The following PIGL variants were observed in gnomAD, a reference collection of about 807,000 sequenced individuals.
The protein encoded by PIGL is phosphatidylinositol glycan anchor biosynthesis class L.
PIGL carries 22 observed loss-of-function variants against 31.1 expected under a neutral mutation model. The observed-to-expected ratio is 0.71, with a 90% CI of 0.51 to 1.01. PIGL has a LOEUF of 1.01. Among genes scored for constraint, PIGL ranks in the 50% least tolerant of loss-of-function variants. PIGL has a pLI of 0.00. For synonymous variants in PIGL, 131 were observed against 117.4 expected, an observed-to-expected ratio of 1.12 and a Z score of -0.75; for missense variants, 302 against 315.9, an observed-to-expected ratio of 0.96 and a Z score of 0.33.
intron 1 of PIGL, among the ~76,000 whole-genome samples, chr17:16,222,047 C>CT (rs2092631776): frequency 6.6e-6 from 1 of 152,156 alleles, no homozygotes; most frequent in African/African-American, 2.4e-5. Context: ...TGCTCCTGGT[C>CT]TAATTTTTAA....
intron 1 of PIGL, among the ~76,000 whole-genome samples, chr17:16,227,201 C>T (rs1017371570): frequency 9.2e-5 from 14 of 151,862 alleles, no homozygotes; most frequent in African/African-American, 3.1e-4. Context: ...CTCCACCTCT[C>T]GGGTTCAAGT....
chr17:16,318,931 A>G (rs1205595324), intron 6 of PIGL, among the ~76,000 whole-genome samples: 1 of 150,998 alleles, frequency 6.6e-6, no homozygotes, highest in African/African-American at 2.4e-5. Context: ...TTCTGTCTCA[A>G]AAAAAAAACA....
chr17:16,217,826 T>A (rs2092599933), intron 1 of PIGL: 2 of 218,692 alleles, frequency 9.1e-6, no homozygotes, highest in Admixed American at 1.1e-4. Context: ...CACGAAACAA[T>A]CTATGCTGTA....
chr17:16,284,757 T>A (rs1386236998), intron 2 of PIGL, among the ~76,000 whole-genome samples: 1 of 152,162 alleles, frequency 6.6e-6, no homozygotes, highest in Non-Finnish European at 1.5e-5. Context: ...TACCAAGTTG[T>A]CCTTAAAAAC....
Position 16,316,666 on chromosome 17 carries a change from C to T in PIGL, c.495-15C>T. The T allele has an allele frequency of 8.1e-6, 13 of 1,595,334 alleles. No homozygotes were observed. The highest frequency in any genetic ancestry group is 1.1e-5 in the Non-Finnish European group (13 of 1,165,120). On this transcript the variant is annotated splice_polypyrimidine_tract_variant and intron_variant, in intron 4 of 6. Transcript: ENST00000225609. Reference sequence around the variant, plus strand: ...GATCCTTACTCCTCTCACTCTTGTCCTATCCCTCCTCCAGGGCCCTGCACT... The same window carrying T: ...GATCCTTACTCCTCTCACTCTTGTCTTATCCCTCCTCCAGGGCCCTGCACT...
intron 2 of PIGL, among the ~76,000 whole-genome samples, chr17:16,291,700 T>A (rs890172093): frequency 6.6e-6 from 1 of 151,256 alleles, no homozygotes; most frequent in Non-Finnish European, 1.5e-5. Context: ...ACCCCTTCTC[T>A]ACGAAAGTAC....
intron 6 of PIGL, among the ~76,000 whole-genome samples, chr17:16,318,695 G>A (rs1187131553): frequency 6.6e-6 from 1 of 151,814 alleles, no homozygotes; most frequent in Non-Finnish European, 1.5e-5. Context: ...CACTTTGGGA[G>A]GCTGAGGCGG....
intron 3 of PIGL, among the ~76,000 whole-genome samples, chr17:16,300,664 A>G (rs1011819977): frequency 4.0e-5 from 6 of 151,270 alleles, no homozygotes; most frequent in African/African-American, 1.5e-4. Context: ...TGGGTGGCAG[A>G]GTGAGACTCT....
chr17:16,297,717 C>T (rs1034495483), intron 2 of PIGL, among the ~76,000 whole-genome samples: 6 of 152,200 alleles, frequency 3.9e-5, no homozygotes, highest in African/African-American at 1.4e-4. Flanking sequence ...CTGATCCTGT[C>T]CCTCACCTGC....
intron 3 of PIGL, among the ~76,000 whole-genome samples, chr17:16,303,542 T>C (rs2093013718): frequency 7.2e-6 from 1 of 138,492 alleles, no homozygotes; most frequent in Admixed American, 7.1e-5. Context: ...AAATTTCTCC[T>C]TTTTTTTTTT....
rs896926269 is a variant in PIGL, at chr17:16,325,706, C to A, written c.661-94C>A. 11 of 908,500 alleles carry A rather than the reference C, an allele frequency of 1.2e-5. No homozygotes were observed. The Middle Eastern group carries it at 2.1e-3, about 170-fold the overall frequency. The allele number at this position is 908,500 out of a possible 1,614,324, so 56.3% of individuals were successfully genotyped here. On this transcript the variant is annotated intron_variant, in intron 6 of 6. Coordinates refer to ENST00000225609, the MANE Select transcript of PIGL (RefSeq NM_004278.4). ...GGCTATAGCATGAAGCATATTAGTT[C>A]GAGGAAGGATTTAAGGTGCGGAGGC...
At chr17:16,288,363 C>T (rs1402953414) in intron 2 of PIGL, among the ~76,000 whole-genome samples, 3 of 151,084 alleles carry the variant, frequency 2.0e-5, no homozygotes, top group East Asian at 2.0e-4. Context: ...CCTGCCACCA[C>T]GCCCAGCTAA....
chr17:16,228,630 C>T (rs954891157), intron 1 of PIGL, among the ~76,000 whole-genome samples: 4 of 152,256 alleles, frequency 2.6e-5, no homozygotes, highest in Non-Finnish European at 4.4e-5. Context: ...CCTCGTGATC[C>T]GCCCGCCTTG....
At chr17:16,226,615 T>C (rs879474106) in intron 1 of PIGL, among the ~76,000 whole-genome samples, 11 of 152,188 alleles carry the variant, frequency 7.2e-5, no homozygotes, top group Admixed American at 1.3e-4. Flanking sequence ...ATACAGTCTA[T>C]CACACCAAGT....
At chr17:16,280,268 C>T (rs1206592338) in intron 2 of PIGL, among the ~76,000 whole-genome samples, 4 of 152,150 alleles carry the variant, frequency 2.6e-5, no homozygotes, top group Non-Finnish European at 5.9e-5. Flanking sequence ...TTGAGAGAGG[C>T]TAAGGGTCCT....
chr17:16,254,614 G>GT (rs202045832), intron 2 of PIGL, among the ~76,000 whole-genome samples: 4,764 of 147,060 alleles, frequency 0.032, 255 homozygotes, highest in African/African-American at 0.11. Flanking sequence ...TTTTTGTTTT[G>GT]TTTTTTTTGA....
intron 2 of PIGL, among the ~76,000 whole-genome samples, chr17:16,287,464 C>T (rs994921323): frequency 1.3e-5 from 2 of 152,190 alleles, no homozygotes; most frequent in African/African-American, 4.8e-5. Flanking sequence ...GGCTTCTGCT[C>T]CTGGGGTCAC....
At chr17:16,305,291 C>CA (rs1246351473) in intron 3 of PIGL, among the ~76,000 whole-genome samples, 2 of 151,702 alleles carry the variant, frequency 1.3e-5, no homozygotes, top group African/African-American at 4.8e-5. Flanking sequence ...GAGCCTGTCT[C>CA]AAAAAAACAA....
chr17:16,231,910 A>G (rs1305556759), intron 1 of PIGL, among the ~76,000 whole-genome samples: 1 of 152,180 alleles, frequency 6.6e-6, no homozygotes, highest in Non-Finnish European at 1.5e-5. Flanking sequence ...ACAATATATC[A>G]TAAGTATATG....
Sources: allele counts gnomAD v4.1 joint callset (sites outside exome capture counted in the v4.1 genomes callset), GRCh38; gene constraint gnomAD v4.1.1; transcripts MANE v1.5; gene names NCBI Gene and HGNC (gene_info 2026-07-23, HGNC 2026-07-21).